The following ADTRP variants were observed in gnomAD, a reference collection of about 807,000 sequenced individuals.
The protein encoded by ADTRP is androgen-dependent TFPI-regulating protein.
Under a neutral mutation model 27.0 loss-of-function variants are expected in ADTRP, and 20 were observed. That is an observed-to-expected ratio of 0.74 (90% confidence interval 0.52 to 1.08). ADTRP has a LOEUF of 1.08. Among genes scored for constraint, ADTRP ranks in the 50% least tolerant of loss-of-function variants. The pLI is 0.00. For synonymous variants in ADTRP, 101 were observed against 105.2 expected (o/e 0.96, Z 0.25); for missense variants, 251 against 275.0 (o/e 0.91, Z 0.62).
chr6:11,724,511 T>G (rs959361918), intron 4 of ADTRP, among the ~76,000 whole-genome samples: 1 of 152,198 alleles, frequency 6.6e-6, no homozygotes, highest in African/African-American at 2.4e-5. Flanking sequence ...AGAGCCATGA[T>G]GTCTAAGTGA....
chr6:11,763,320 A>G (rs897184051), intron 3 of ADTRP, among the ~76,000 whole-genome samples: 1 of 152,240 alleles, frequency 6.6e-6, no homozygotes, highest in Admixed American at 6.5e-5. Flanking sequence ...TCTTACTTTG[A>G]CAGATACTAC....
chr6:11,721,664 T>C (rs931745327), intron 5 of ADTRP, among the ~76,000 whole-genome samples: 4 of 152,206 alleles, frequency 2.6e-5, no homozygotes, highest in African/African-American at 9.6e-5. Context: ...AGTACAGTCA[T>C]TTACAATCGT....
rs373658886 is a variant in ADTRP, at chr6:11,778,693, A to C, written c.67T>G (p.Tyr23Asp). 3.9e-5 allele frequency: 63 copies of C among 1,614,084 alleles called. No homozygotes were observed. Among genetic ancestry groups the C allele is most frequent in the Non-Finnish European group, 5.2e-5 (61 of 1,180,042 alleles). Residue 23 changes from tyrosine to aspartate, a missense_variant, in exon 1 of 6, where the codon TAC becomes GAC. Tyr to Asp is a radical substitution (Grantham distance 160, BLOSUM62 -3). Transcript: ENST00000414691. ...TCGTCTTTTCCTTCCTGTGAGATGT[A>C]ATAATTGAGGAAAGTATACCAGCTC... ...VLSWYTFLNY[Y>D]ISQEGKDEVK...
Position 11,752,011 on chromosome 6 carries a change from T to C in ADTRP, c.390+14263A>G, listed in dbSNP as rs570431089. On this transcript the variant is annotated intron_variant, in intron 3 of 5. Coordinates refer to ENST00000414691, the MANE Select transcript of ADTRP (RefSeq NM_032744.4). ...GGTTTCTGTCGTGTCACACAGTAGGTAGATGAGAGTGGTTTCAGTCCAGCC... is the reference window on the plus strand; with the variant it reads ...GGTTTCTGTCGTGTCACACAGTAGGCAGATGAGAGTGGTTTCAGTCCAGCC... Among the ~76,000 whole-genome samples the C allele has an allele frequency of 1.2e-4, 19 of 152,326 alleles. 1 individual carries two copies. The highest frequency in any genetic ancestry group is 9.1e-4 in the Admixed American group (14 of 15,304).
chr6:11,761,606 T>C (rs1763391284), intron 3 of ADTRP, among the ~76,000 whole-genome samples: 1 of 152,166 alleles, frequency 6.6e-6, no homozygotes, highest in Non-Finnish European at 1.5e-5. Flanking sequence ...CCAAAGCACA[T>C]ATGAGTGATT....
chr6:11,755,750 G>A (rs1388501084), intron 3 of ADTRP, among the ~76,000 whole-genome samples: 1 of 152,170 alleles, frequency 6.6e-6, no homozygotes. Context: ...TGGCTAGAAA[G>A]TTGTTTCAAA....
intron 3 of ADTRP, among the ~76,000 whole-genome samples, chr6:11,754,360 G>T (rs915628632): frequency 2.6e-5 from 4 of 152,216 alleles, no homozygotes; most frequent in East Asian, 3.8e-4. Context: ...GGTTGAAAGA[G>T]TTGAAGAGAC....
intron 3 of ADTRP, among the ~76,000 whole-genome samples, chr6:11,739,041 C>CA (rs70994545): frequency 0.07 from 9,777 of 139,970 alleles, 348 homozygotes; most frequent in African/African-American, 0.11. Flanking sequence ...GCACATATTT[C>CA]AAAAAAAAAA....
chr6:11,734,506 T>C (rs949364400), intron 4 of ADTRP, among the ~76,000 whole-genome samples: 3 of 152,216 alleles, frequency 2.0e-5, no homozygotes, highest in Admixed American at 2.0e-4. Flanking sequence ...AGTGCTTTCT[T>C]TAAGATGGGA....
At chr6:11,748,882 C>G (rs1003486967) in intron 3 of ADTRP, among the ~76,000 whole-genome samples, 10 of 152,166 alleles carry the variant, frequency 6.6e-5, no homozygotes, top group African/African-American at 2.4e-4. Flanking sequence ...TCTGTGTCTG[C>G]AGCATTAAGC....
chr6:11,725,231 AG>A (rs1180409498), intron 4 of ADTRP, among the ~76,000 whole-genome samples: 1 of 152,224 alleles, frequency 6.6e-6, no homozygotes, highest in Non-Finnish European at 1.5e-5. Flanking sequence ...CAGTGTGAAA[AG>A]GCAATCCATG....
chr6:11,754,653 A>G (rs982379306), intron 3 of ADTRP, among the ~76,000 whole-genome samples: 3 of 152,200 alleles, frequency 2.0e-5, no homozygotes, highest in African/African-American at 4.8e-5. Context: ...CAAATTTCCA[A>G]TTAGGCATAA....
chr6:11,770,626 A>G (rs977961184), intron 1 of ADTRP, among the ~76,000 whole-genome samples: 2 of 152,138 alleles, frequency 1.3e-5, no homozygotes. Flanking sequence ...GGGGTGTCCC[A>G]GGGAGGGGTG....
At chr6:11,754,928 G>T in intron 3 of ADTRP, 1 of 729,044 alleles carries the variant, frequency 1.4e-6, no homozygotes, top group Non-Finnish European at 1.7e-6. Context: ...GATTTTTCAC[G>T]TCTGTCTTGA....
At chr6:11,748,076 C>T (rs527698764) in intron 3 of ADTRP, among the ~76,000 whole-genome samples, 11 of 152,296 alleles carry the variant, frequency 7.2e-5, no homozygotes, top group South Asian at 2.1e-4. Flanking sequence ...GACATTGATT[C>T]GCCTCAAGCA....
chr6:11,719,622 G>GATACTTCGCCTGATGTTCTTGACCA (rs1761947232), intron 5 of ADTRP, among the ~76,000 whole-genome samples: 1 of 151,970 alleles, frequency 6.6e-6, no homozygotes, highest in Non-Finnish European at 1.5e-5. Flanking sequence ...GTTCTTGACC[G>GATACTTCGCCTGATGTTCTTGACCA]CTTGGTGCTT....
chr6:11,774,268 C>A (rs1486397324), intron 1 of ADTRP, among the ~76,000 whole-genome samples: 1 of 151,780 alleles, frequency 6.6e-6, no homozygotes, highest in Non-Finnish European at 1.5e-5. Flanking sequence ...AAGATTGTGC[C>A]ACTGCACTCC....
chr6:11,735,403 A>T (rs1190765122), intron 4 of ADTRP, among the ~76,000 whole-genome samples, 165 bp downstream of exon 4: 2 of 152,244 alleles, frequency 1.3e-5, no homozygotes, highest in Non-Finnish European at 2.9e-5. Context: ...TTCCATGAGC[A>T]TTAAAATCAA....
chr6:11,768,103 G>T, intron 2 of ADTRP, 146 bp downstream of exon 2: 1 of 947,610 alleles, frequency 1.1e-6, no homozygotes. Flanking sequence ...ACTGGGCAAT[G>T]TGGCGCAGTC....
Sources: gnomAD v4.1 joint callset for allele counts (sites outside exome capture counted in the v4.1 genomes callset) on GRCh38, gnomAD v4.1.1 for gene constraint, MANE v1.5 for transcripts, NCBI Gene and HGNC (gene_info 2026-07-23, HGNC 2026-07-21) for gene names.